STOX2: variants seen among roughly 807,000 people sequenced by gnomAD.
STOX2 encodes the protein storkhead box 2, also known as storkhead-box protein 2.
In STOX2, 28 loss-of-function variants were observed where a neutral mutation model predicts 60.9. The ratio of observed to expected loss-of-function variants is 0.46; its 90% CI spans 0.34 to 0.63. The LOEUF (loss-of-function observed/expected upper bound fraction) is 0.63. Among genes scored for constraint, STOX2 ranks in the 30% least tolerant of loss-of-function variants. The probability of loss-of-function intolerance (pLI) is 0.01; values close to 1 mark genes in which losing one functional copy is unlikely to be tolerated. For missense variants in STOX2, 1,024 were observed against 1,187.7 expected (o/e 0.86, Z 2.03); for synonymous variants, 472 against 463.9 (o/e 1.02, Z -0.22).
intron 1 of STOX2, among the ~76,000 whole-genome samples, chr4:183,927,004 C>T (rs1742260783): frequency 6.6e-6 from 1 of 152,214 alleles, no homozygotes; most frequent in Admixed American, 6.5e-5. Context: ...CTACTCTTAA[C>T]AGAAAGGAAA....
At chr4:183,868,189 C>T (rs1049998652) in intron 1 of STOX2, among the ~76,000 whole-genome samples, 17 of 152,076 alleles carry the variant, frequency 1.1e-4, no homozygotes, top group Non-Finnish European at 8.8e-5. Context: ...ATCATAGAAA[C>T]TACTTTGCTA....
At chr4:183,985,484 C>T (rs2111193186) in intron 1 of STOX2, among the ~76,000 whole-genome samples, 1 of 152,298 alleles carries the variant, frequency 6.6e-6, no homozygotes, top group African/African-American at 2.4e-5. Context: ...GAAGAGAGTT[C>T]CCCTCTTTAA....
chr4:183,829,670 C>T (rs1739521313), intron 1 of STOX2, among the ~76,000 whole-genome samples: 1 of 152,150 alleles, frequency 6.6e-6, no homozygotes, highest in Admixed American at 6.5e-5. Context: ...AATTCCAGCC[C>T]CACCTCAGGA....
chr4:183,851,244 GGAAAGGATGAGA>G (rs1740124651), intron 1 of STOX2, among the ~76,000 whole-genome samples: 11 of 43,740 alleles, frequency 2.5e-4, no homozygotes, highest in South Asian at 1.2e-3. Flanking sequence ...AAAGGATGAG[GGAAAGGATGAGA>G]GAAAGGATGA....
At chr4:183,824,373 G>A (rs1247983454) in intron 1 of STOX2, among the ~76,000 whole-genome samples, 1 of 151,848 alleles carries the variant, frequency 6.6e-6, no homozygotes, top group Admixed American at 6.6e-5. Flanking sequence ...TACTTTCCTA[G>A]GCCTTGGGCC....
chr4:183,950,273 T>G (rs1743028076), intron 1 of STOX2, among the ~76,000 whole-genome samples: 2 of 152,160 alleles, frequency 1.3e-5, no homozygotes. Context: ...GTGTGGGGGA[T>G]TATCCAAGGA....
At chr4:183,855,910 T>C (rs941958710) in intron 1 of STOX2, among the ~76,000 whole-genome samples, 2 of 152,242 alleles carry the variant, frequency 1.3e-5, no homozygotes, top group Admixed American at 6.5e-5. Context: ...ACGATGCTAC[T>C]CTGATAGGAA....
chr4:183,979,164 T>C (rs80032970), intron 1 of STOX2, among the ~76,000 whole-genome samples: 1 of 152,066 alleles, frequency 6.6e-6, no homozygotes, highest in Admixed American at 6.6e-5. Flanking sequence ...CTTACAGTCA[T>C]GGCAGAAGGC....
intron 1 of STOX2, among the ~76,000 whole-genome samples, chr4:183,863,669 A>C (rs1740501485): frequency 6.6e-6 from 1 of 152,258 alleles, no homozygotes; most frequent in African/African-American, 2.4e-5. Context: ...TATCTGGTTT[A>C]AAAGATAAAT....
intron 1 of STOX2, among the ~76,000 whole-genome samples, chr4:183,833,145 A>G (rs543824793): frequency 6.6e-6 from 1 of 152,320 alleles, no homozygotes; most frequent in Admixed American, 6.5e-5. Flanking sequence ...TCGTCTTTCT[A>G]AATTCAGTGA....
intron 1 of STOX2, among the ~76,000 whole-genome samples, chr4:183,961,531 C>A (rs988018709): frequency 6.6e-6 from 1 of 152,174 alleles, no homozygotes; most frequent in Non-Finnish European, 1.5e-5. Flanking sequence ...AGCTTTGCAG[C>A]GCTTCACCCT....
chr4:183,879,482 G>A (rs1740906057), intron 1 of STOX2, among the ~76,000 whole-genome samples: 1 of 152,160 alleles, frequency 6.6e-6, no homozygotes, highest in Admixed American at 6.5e-5. Context: ...CTGGGCGCTG[G>A]GATACAGTGA....
chr4:184,007,906 A>G (rs1454255346), intron 2 of STOX2, among the ~76,000 whole-genome samples: 3 of 152,190 alleles, frequency 2.0e-5, no homozygotes, highest in African/African-American at 7.2e-5. Flanking sequence ...CTTTCTCCAA[A>G]TAGAGTCATA....
rs113964088 is a variant in STOX2, at chr4:183,938,829, G to A, written c.166+31873G>A. ...GATGATTGTTTTGAAATGCATTTTC[G>A]AATTTTTTCCAGCCTTGCACTTGTA... On this transcript the variant is annotated intron_variant, in intron 1 of 3. Coordinates refer to ENST00000308497, the MANE Select transcript of STOX2 (RefSeq NM_020225.3). Among the ~76,000 whole-genome samples, 1,126 of 152,096 alleles carry A rather than the reference G, an allele frequency of 7.4e-3. 5 individuals are homozygous for A. Among genetic ancestry groups the A allele is most frequent in the Middle Eastern group, 0.017 (5 of 294 alleles).
intron 1 of STOX2, among the ~76,000 whole-genome samples, chr4:183,912,358 C>A (rs529682397): frequency 7.9e-5 from 12 of 152,150 alleles, no homozygotes; most frequent in Non-Finnish European, 1.6e-4. Flanking sequence ...CACAGTATAA[C>A]CTCCCTCACT....
chr4:183,945,830 A>G (rs1300413596), intron 1 of STOX2, among the ~76,000 whole-genome samples: 2 of 152,202 alleles, frequency 1.3e-5, no homozygotes, highest in Non-Finnish European at 2.9e-5. Context: ...GCTGGGATAC[A>G]TCATTTCCTC....
chr4:183,999,845 G>A (rs1174278053), intron 1 of STOX2, among the ~76,000 whole-genome samples: 1 of 152,192 alleles, frequency 6.6e-6, no homozygotes, highest in Non-Finnish European at 1.5e-5. Flanking sequence ...ACAGTGAGGA[G>A]GTTGGTCCAC....
In STOX2 at chr4:184,017,680, G is replaced by C. The variant is rs1292101646; in HGVS notation, c.*396G>C. The C allele has an allele frequency of 9.7e-6, 1 of 103,606 alleles. No individual in the cohort carries two copies. The highest frequency in any genetic ancestry group is 1.7e-5 in the Non-Finnish European group (1 of 57,976). The allele number at this position is 103,606 out of a possible 1,614,324, so 6.4% of individuals were successfully genotyped here. A position where few individuals can be genotyped will look rare whatever the true frequency, so the allele number is the denominator to read the frequency against. On this transcript the variant is annotated 3_prime_UTR_variant, in exon 4 of 4. Transcript: ENST00000308497. Reference sequence around the variant, plus strand: ...AAACGGTGCCACAGAACTGATCCTTGACACTTCCAAAAAAAAAAAAACAAA... The same window carrying C: ...AAACGGTGCCACAGAACTGATCCTTCACACTTCCAAAAAAAAAAAAACAAA...
intron 1 of STOX2, among the ~76,000 whole-genome samples, chr4:183,896,489 A>T (rs1256874409): frequency 6.6e-6 from 1 of 152,076 alleles, no homozygotes; most frequent in Non-Finnish European, 1.5e-5. Flanking sequence ...CTACAGGTGC[A>T]CCCCACCATA....
Sources: allele counts gnomAD v4.1 joint callset (sites outside exome capture counted in the v4.1 genomes callset), GRCh38; gene constraint gnomAD v4.1.1; transcripts MANE v1.5; gene names NCBI Gene and HGNC (gene_info 2026-07-23, HGNC 2026-07-21).